Variants in SHISA9 observed in about 807,000 individuals in gnomAD.
SHISA9 encodes the protein protein shisa-9.
Under a neutral mutation model 38.0 loss-of-function variants are expected in SHISA9, and 13 were observed. That is an observed-to-expected ratio of 0.34 (90% CI 0.22 to 0.54). SHISA9 has a LOEUF of 0.54. Ranked by LOEUF, SHISA9 falls within the 20% of genes least tolerant of loss-of-function variation. SHISA9 has a pLI of 0.91. For synonymous variants in SHISA9, 275 were observed against 242.0 expected (o/e 1.14, Z -1.27); for missense variants, 538 against 575.8 (o/e 0.93, Z 0.67).
At chr16:13,437,864 CTTTTT>C in the SHISA9 span, among the ~76,000 whole-genome samples, 5,126 of 103,436 alleles carry the variant, frequency 0.05, 62 homozygotes, top group East Asian at 0.084. Context: ...CTTTTTTTTT[CTTTTT>C]TTTTTTTTTT....
chr16:13,466,045 A>G, the SHISA9 span, among the ~76,000 whole-genome samples: 2 of 152,122 alleles, frequency 1.3e-5, no homozygotes, highest in African/African-American at 4.8e-5. Flanking sequence ...GCTTGAGTGG[A>G]TTGGGGGATG....
the SHISA9 span, among the ~76,000 whole-genome samples, chr16:13,408,621 C>A: frequency 1.3e-5 from 2 of 152,160 alleles, no homozygotes; most frequent in African/African-American, 4.8e-5. Context: ...TGATTGCCAT[C>A]AAACTTAGGA....
intron 2 of SHISA9, among the ~76,000 whole-genome samples, chr16:13,041,356 C>T (rs2073129786): frequency 6.6e-6 from 1 of 152,202 alleles, no homozygotes; most frequent in Admixed American, 6.5e-5. Context: ...GTTGTCTCTA[C>T]CCTGGGCTTG....
the SHISA9 span, among the ~76,000 whole-genome samples, chr16:13,423,137 T>A: frequency 6.6e-6 from 1 of 152,196 alleles, no homozygotes; most frequent in African/African-American, 2.4e-5. Flanking sequence ...GAAGATGGTA[T>A]TGATCTGGGC....
At chr16:13,430,040 A>G in the SHISA9 span, among the ~76,000 whole-genome samples, 1 of 152,216 alleles carries the variant, frequency 6.6e-6, no homozygotes, top group Non-Finnish European at 1.5e-5. Flanking sequence ...AGAAATTAGA[A>G]CACTGACACA....
chr16:13,078,062 T>C (rs16961088), intron 2 of SHISA9, among the ~76,000 whole-genome samples: 3,343 of 152,292 alleles, frequency 0.022, 52 homozygotes, highest in Admixed American at 0.048. Context: ...ACACATGCAG[T>C]TGGAATTAAA....
chr16:12,907,259 C>T lies in SHISA9; in HGVS notation c.563+4632C>T, dbSNP rs181754305. On this transcript the variant is annotated intron_variant, in intron 1 of 4. Transcript: ENST00000558583. ...TTTCCTCTCTTCCCTTCCTACCCTTCTTCCTTCTGTCTTCTTCCCTTCCTC... is the reference window on the plus strand; with the variant it reads ...TTTCCTCTCTTCCCTTCCTACCCTTTTTCCTTCTGTCTTCTTCCCTTCCTC... Among the ~76,000 whole-genome samples the T allele has an allele frequency of 4.5e-3, 631 of 141,492 alleles. 10 individuals carry two copies. Among genetic ancestry groups the T allele is most frequent in the African/African-American group, 0.017 (616 of 36,560 alleles). The allele number at this position is 141,492 out of a possible 152,430, so 92.8% of individuals were successfully genotyped here. A position where few individuals can be genotyped will look rare whatever the true frequency, so the allele number is the denominator to read the frequency against.
At chr16:13,012,501 C>T (rs148899870) in intron 2 of SHISA9, among the ~76,000 whole-genome samples, 7 of 152,098 alleles carry the variant, frequency 4.6e-5, no homozygotes, top group African/African-American at 9.6e-5. Flanking sequence ...AGGGAGAGTG[C>T]GGGGGATGAG....
chr16:12,988,308 A>G (rs1211653420), intron 2 of SHISA9, among the ~76,000 whole-genome samples: 1 of 152,130 alleles, frequency 6.6e-6, no homozygotes, highest in African/African-American at 2.4e-5. Context: ...AGCCTGTCCA[A>G]TTCAAATAAC....
chr16:13,006,008 A>G (rs2072593079), intron 2 of SHISA9, among the ~76,000 whole-genome samples: 2 of 152,208 alleles, frequency 1.3e-5, no homozygotes, highest in Non-Finnish European at 2.9e-5. Context: ...AGTCACCCAC[A>G]AAGGCATGTG....
chr16:13,506,469 G>A, the SHISA9 span, among the ~76,000 whole-genome samples: 2 of 152,188 alleles, frequency 1.3e-5, no homozygotes, highest in Non-Finnish European at 2.9e-5. Context: ...GAGACAAGGA[G>A]TGTGATGAGG....
At chr16:13,024,812 T>C (rs926581091) in intron 2 of SHISA9, among the ~76,000 whole-genome samples, 3 of 152,146 alleles carry the variant, frequency 2.0e-5, no homozygotes, top group African/African-American at 4.8e-5. Flanking sequence ...CTGTGTTGGC[T>C]GAATCTGCAG....
At chr16:13,474,037 G>T in the SHISA9 span, among the ~76,000 whole-genome samples, 1 of 152,216 alleles carries the variant, frequency 6.6e-6, no homozygotes, top group Non-Finnish European at 1.5e-5. Context: ...GCCCTAACAA[G>T]AAGGATGAAG....
intron 2 of SHISA9, among the ~76,000 whole-genome samples, chr16:13,191,732 C>A (rs537925546): frequency 6.6e-6 from 1 of 152,140 alleles, no homozygotes. Context: ...AGAGAGATGG[C>A]TGAGGCCACA....
chr16:13,361,136 T>C, the SHISA9 span, among the ~76,000 whole-genome samples: 1 of 152,262 alleles, frequency 6.6e-6, no homozygotes, highest in African/African-American at 2.4e-5. Flanking sequence ...TACTCATGGA[T>C]GATTTAATTT....
chr16:13,514,819 C>A, the SHISA9 span, among the ~76,000 whole-genome samples: 1 of 151,974 alleles, frequency 6.6e-6, no homozygotes, highest in Non-Finnish European at 1.5e-5. Flanking sequence ...AAGAAAACCG[C>A]ATCGATACAC....
At chr16:12,973,985 C>G (rs951873772) in intron 2 of SHISA9, among the ~76,000 whole-genome samples, 1 of 152,166 alleles carries the variant, frequency 6.6e-6, no homozygotes, top group Non-Finnish European at 1.5e-5. Context: ...TAAGTGGCAT[C>G]AAAGTATTAT....
At chr16:13,388,863 C>T in the SHISA9 span, among the ~76,000 whole-genome samples, 1 of 152,156 alleles carries the variant, frequency 6.6e-6, no homozygotes, top group Non-Finnish European at 1.5e-5. Flanking sequence ...TAGTAGCATT[C>T]TTCCAAATGA....
At chr16:13,419,919 G>A in the SHISA9 span, among the ~76,000 whole-genome samples, 4 of 152,210 alleles carry the variant, frequency 2.6e-5, no homozygotes, top group Admixed American at 1.3e-4. Flanking sequence ...TCTACACTGC[G>A]TTAATCACTG....
Sources: allele counts gnomAD v4.1 joint callset (sites outside exome capture counted in the v4.1 genomes callset), GRCh38; gene constraint gnomAD v4.1.1; transcripts MANE v1.5; gene names NCBI Gene and HGNC (gene_info 2026-07-23, HGNC 2026-07-21).